UGGT2: variants seen among roughly 807,000 people sequenced by gnomAD.
The protein encoded by UGGT2 is UDP-glucose glycoprotein glucosyltransferase 2.
Under a neutral mutation model 192.1 loss-of-function variants are expected in UGGT2, and 180 were observed. The observed-to-expected ratio is 0.94, with a 90% CI of 0.83 to 1.06. UGGT2 has a LOEUF of 1.06. Among genes scored for constraint, UGGT2 ranks in the 50% least tolerant of loss-of-function variants. UGGT2 has a pLI of 0.00. For synonymous variants in UGGT2, 580 were observed against 591.0 expected, an observed-to-expected ratio of 0.98 and a Z score of 0.27; for missense variants, 1,849 against 1,795.7, an observed-to-expected ratio of 1.03 and a Z score of -0.54.
Position 96,038,878 on chromosome 13 carries a change from A to G in UGGT2, c.159-6907T>C, listed in dbSNP as rs1471788289. On this transcript the variant is annotated intron_variant, in intron 1 of 38. Transcript: ENST00000376747. Reference sequence around the variant, plus strand: ...GTAAATATCGTCAACTTCATTTACAAATTTTATCATCTAAATCATGTATGG... The same window carrying G: ...GTAAATATCGTCAACTTCATTTACAGATTTTATCATCTAAATCATGTATGG... Among the ~76,000 whole-genome samples the G allele has an allele frequency of 2.0e-5, 3 of 152,260 alleles. No homozygotes were observed. The East Asian group carries it at 5.8e-4, about 29-fold the overall frequency.
At chr13:95,940,156 T>C (rs745590856) in intron 15 of UGGT2, 65 bp from the exon 16 acceptor site, 2 of 1,239,732 alleles carry the variant, frequency 1.6e-6, no homozygotes, top group Non-Finnish European at 2.2e-6. Context: ...TTTTTTTCCT[T>C]AGCATGCAGA....
intron 12 of UGGT2, among the ~76,000 whole-genome samples, chr13:95,958,119 C>T (rs367944520): frequency 1.3e-5 from 2 of 151,836 alleles, no homozygotes; most frequent in Admixed American, 6.6e-5. Context: ...GCGTTTCTTT[C>T]GGGCTGCTAT....
intron 38 of UGGT2, among the ~76,000 whole-genome samples, chr13:95,826,891 A>G (rs1886104037): frequency 6.6e-6 from 1 of 152,156 alleles, no homozygotes; most frequent in South Asian, 2.1e-4. Flanking sequence ...ACAGAAAAAC[A>G]ACAAAAAAGA....
At chr13:95,891,501 C>T (rs1025187412) in intron 24 of UGGT2, among the ~76,000 whole-genome samples, 1 of 151,964 alleles carries the variant, frequency 6.6e-6, no homozygotes. Context: ...TATCTTTCAC[C>T]GATAAAAGTT....
chr13:96,019,941 A>G (rs887969159), intron 4 of UGGT2, among the ~76,000 whole-genome samples: 4 of 152,202 alleles, frequency 2.6e-5, no homozygotes, highest in Admixed American at 1.3e-4. Context: ...ACGTCCCAGC[A>G]GCCTGGCCCA....
At chr13:95,932,436 T>C (rs1183817439) in intron 17 of UGGT2, among the ~76,000 whole-genome samples, 1 of 152,032 alleles carries the variant, frequency 6.6e-6, no homozygotes, top group Non-Finnish European at 1.5e-5. Context: ...CTGATTGCTG[T>C]GCATTAATTT....
chr13:95,894,776 G>T, intron 23 of UGGT2, 119 bp from the exon 24 acceptor site: 2 of 763,296 alleles, frequency 2.6e-6, no homozygotes, highest in Non-Finnish European at 4.3e-6. Flanking sequence ...TACCAAAGTA[G>T]ACTGCAAAGG....
chr13:95,869,088 A>G (rs965678892), intron 29 of UGGT2, among the ~76,000 whole-genome samples: 4 of 131,424 alleles, frequency 3.0e-5, no homozygotes, highest in Non-Finnish European at 4.7e-5. Context: ...TCCTGTGTCC[A>G]TGTGTTCTCA....
At chr13:95,832,647 A>G (rs1886835078) in intron 38 of UGGT2, 1 of 482,190 alleles carries the variant, frequency 2.1e-6, no homozygotes, top group Non-Finnish European at 4.0e-6. Flanking sequence ...CACTCCTTTT[A>G]CTTTTATTTT....
intron 38 of UGGT2, among the ~76,000 whole-genome samples, chr13:95,822,046 C>A (rs1418861493): frequency 6.6e-6 from 1 of 151,984 alleles, no homozygotes; most frequent in African/African-American, 2.4e-5. Flanking sequence ...GCTATTCAGG[C>A]TCTTTTTTTG....
chr13:96,046,986 G>A (rs1214919383), intron 1 of UGGT2, among the ~76,000 whole-genome samples: 2 of 152,180 alleles, frequency 1.3e-5, no homozygotes, highest in Non-Finnish European at 2.9e-5. Context: ...TGAACTGGGT[G>A]GAGCCCACCA....
intron 4 of UGGT2, among the ~76,000 whole-genome samples, chr13:96,014,579 T>C (rs1358172355): frequency 6.6e-6 from 1 of 152,230 alleles, no homozygotes; most frequent in Non-Finnish European, 1.5e-5. Context: ...CTTGGACAGC[T>C]GAAGCATAAA....
chr13:95,902,044 C>T (rs1021064342), intron 21 of UGGT2, among the ~76,000 whole-genome samples: 1 of 152,132 alleles, frequency 6.6e-6, no homozygotes, highest in Admixed American at 6.5e-5. Context: ...TTCACTGGTC[C>T]AAACCCCAGC....
intron 5 of UGGT2, 63 bp downstream of exon 5, chr13:96,013,244 G>A (rs887184719): frequency 1.0e-5 from 15 of 1,441,786 alleles, no homozygotes; most frequent in South Asian, 5.6e-5. Context: ...CTAGTAAGAC[G>A]ATTATCATAA....
At chr13:95,888,892 T>A (rs978874218) in intron 25 of UGGT2, among the ~76,000 whole-genome samples, 1 of 152,104 alleles carries the variant, frequency 6.6e-6, no homozygotes, top group Admixed American at 6.6e-5. Flanking sequence ...TAGGTCACTG[T>A]TAACTTCAAA....
chr13:95,936,745 GTCTC>G (rs2049477710), intron 17 of UGGT2, among the ~76,000 whole-genome samples, 175 bp downstream of exon 17: 1 of 152,252 alleles, frequency 6.6e-6, no homozygotes, highest in African/African-American at 2.4e-5. Context: ...CTGCACCACA[GTCTC>G]TGCACAGGCA....
At chr13:95,931,545 T>TGGGGTGGGGTG (rs2049269722) in intron 17 of UGGT2, among the ~76,000 whole-genome samples, 1 of 57,088 alleles carries the variant, frequency 1.8e-5, no homozygotes. Context: ...CGGGGCAGGG[T>TGGGGTGGGGTG]GGGGTGGGGT....
chr13:95,928,389 C>A (rs2049113452), intron 17 of UGGT2, among the ~76,000 whole-genome samples: 1 of 100,874 alleles, frequency 9.9e-6, no homozygotes, highest in African/African-American at 2.7e-5. Context: ...ACGCTCCTCA[C>A]TTCCCGGACG....
chr13:95,814,313 C>T (rs1884714316), intron 38 of UGGT2, among the ~76,000 whole-genome samples: 1 of 152,188 alleles, frequency 6.6e-6, no homozygotes, highest in Non-Finnish European at 1.5e-5. Context: ...CACGGCAAGG[C>T]CACAGGGGTG....
Sources: gnomAD v4.1 joint callset for allele counts (sites outside exome capture counted in the v4.1 genomes callset) on GRCh38, gnomAD v4.1.1 for gene constraint, MANE v1.5 for transcripts, NCBI Gene and HGNC (gene_info 2026-07-23, HGNC 2026-07-21) for gene names.